The following TENM3 variants were observed in gnomAD, a reference collection of about 807,000 sequenced individuals.
The protein encoded by TENM3 is teneurin-3.
A neutral mutation model predicts 255.1 loss-of-function variants in TENM3; 63 were observed. The observed-to-expected ratio is 0.25, with a 90% CI of 0.20 to 0.30. The LOEUF is 0.30. TENM3 is among the 10% of genes least tolerant of loss of function. The probability of loss-of-function intolerance (pLI) is 1.00; values close to 1 mark genes in which losing one functional copy is unlikely to be tolerated. For synonymous variants in TENM3, 1,306 were observed against 1,322.3 expected, an observed-to-expected ratio of 0.99 and a Z score of 0.27; for missense variants, 2,929 against 3,461.1, an observed-to-expected ratio of 0.85 and a Z score of 3.86.
intron 6 of TENM3, among the ~76,000 whole-genome samples, chr4:182,668,998 A>G (rs970461977): frequency 6.6e-6 from 1 of 152,210 alleles, no homozygotes; most frequent in Non-Finnish European, 1.5e-5. Context: ...ATTAAATTAC[A>G]TATGCTTCGG....
At chr4:182,604,352 A>G (rs1174442533) in intron 4 of TENM3, among the ~76,000 whole-genome samples, 2 of 152,206 alleles carry the variant, frequency 1.3e-5, no homozygotes, top group African/African-American at 4.8e-5. Flanking sequence ...ATCGGTCCCT[A>G]TGTATAATAC....
the TENM3 span, among the ~76,000 whole-genome samples, chr4:182,034,439 G>A: frequency 2.9e-4 from 44 of 152,260 alleles, no homozygotes; most frequent in Middle Eastern, 3.4e-3. Flanking sequence ...ATGCTAGCTG[G>A]TTATTTTGCA....
chr4:181,898,637 G>A, the TENM3 span, among the ~76,000 whole-genome samples: 1 of 152,230 alleles, frequency 6.6e-6, no homozygotes, highest in East Asian at 1.9e-4. Flanking sequence ...GAATTAAGAT[G>A]TTTGAAGGTT....
At chr4:181,979,138 A>ATC in the TENM3 span, among the ~76,000 whole-genome samples, 1 of 104,956 alleles carries the variant, frequency 9.5e-6, no homozygotes, top group African/African-American at 3.8e-5. Context: ...ATATATATAT[A>ATC]TATATATATA....
At chr4:182,545,004 T>A (rs1055693842) in intron 3 of TENM3, among the ~76,000 whole-genome samples, 15 of 152,204 alleles carry the variant, frequency 9.9e-5, no homozygotes, top group Admixed American at 9.8e-4. Flanking sequence ...ACATGCTGGA[T>A]CTCATTTAAA....
chr4:182,349,764 G>C (rs1010078423), intron 3 of TENM3: 1 of 279,598 alleles, frequency 3.6e-6, no homozygotes, highest in African/African-American at 2.3e-5. Context: ...AACTTAAAAA[G>C]CTATAGATTT....
rs148756377 is a variant in TENM3, at chr4:182,653,645, A to G, written c.989-126A>G. 3.8e-3 allele frequency: 3,995 copies of G among 1,042,778 alleles called. 16 individuals are homozygous for G. Among genetic ancestry groups the G allele is most frequent in the Non-Finnish European group, 4.8e-3 (3,535 of 740,386 alleles). The allele number at this position is 1,042,778 out of a possible 1,614,324, so 64.6% of individuals were successfully genotyped here. On this transcript the variant is annotated intron_variant, in intron 5 of 27. Transcript: ENST00000511685. Reference sequence around the variant, plus strand: ...GTTTTATAATTTTCATTGCGCAGTTATCCTTGGTATTTCAGAAAATGGAAA... The same window carrying G: ...GTTTTATAATTTTCATTGCGCAGTTGTCCTTGGTATTTCAGAAAATGGAAA...
intron 3 of TENM3, among the ~76,000 whole-genome samples, chr4:182,537,275 C>A (rs924314551): frequency 6.6e-6 from 1 of 152,172 alleles, no homozygotes; most frequent in Non-Finnish European, 1.5e-5. Context: ...AAGGCTAGCT[C>A]CTGCAGTCAT....
At chr4:182,575,891 G>C (rs998425464) in intron 3 of TENM3, among the ~76,000 whole-genome samples, 7 of 152,076 alleles carry the variant, frequency 4.6e-5, no homozygotes, top group Admixed American at 3.3e-4. Flanking sequence ...AAAGTTCTAG[G>C]TTGAAATAGC....
At chr4:182,254,248 C>T (rs1304980541) in intron 1 of TENM3, among the ~76,000 whole-genome samples, 1 of 151,978 alleles carries the variant, frequency 6.6e-6, no homozygotes, top group Non-Finnish European at 1.5e-5. Context: ...TGGCTTCTTA[C>T]AGTTCTCTAA....
chr4:181,662,855 A>T, the TENM3 span, among the ~76,000 whole-genome samples: 1 of 152,114 alleles, frequency 6.6e-6, no homozygotes, highest in Non-Finnish European at 1.5e-5. Flanking sequence ...ATTAACACAG[A>T]TAGGGTAGGA....
intron 3 of TENM3, among the ~76,000 whole-genome samples, chr4:182,541,167 T>C (rs1313745397): frequency 6.6e-6 from 1 of 152,212 alleles, no homozygotes; most frequent in African/African-American, 2.4e-5. Context: ...GCACAAATTC[T>C]TACCTCTATT....
At chr4:182,184,021 T>C (rs1001189790) in intron 1 of TENM3, among the ~76,000 whole-genome samples, 2 of 152,220 alleles carry the variant, frequency 1.3e-5, no homozygotes, top group African/African-American at 4.8e-5. Context: ...TGTTTTATTA[T>C]TCCAAAAGAA....
chr4:182,135,318 C>T, the TENM3 span, among the ~76,000 whole-genome samples: 27 of 151,230 alleles, frequency 1.8e-4, no homozygotes, highest in Non-Finnish European at 1.3e-4. Flanking sequence ...TCACTTGGGA[C>T]GTTTGTACCC....
At chr4:182,397,137 G>A (rs370211675) in intron 3 of TENM3, among the ~76,000 whole-genome samples, 72 of 151,812 alleles carry the variant, frequency 4.7e-4, no homozygotes, top group African/African-American at 1.5e-3. Context: ...TGTAAAAAAG[G>A]GAAAAATCTA....
At chr4:181,904,883 G>T in the TENM3 span, among the ~76,000 whole-genome samples, 8 of 152,150 alleles carry the variant, frequency 5.3e-5, no homozygotes, top group Non-Finnish European at 1.2e-4. Context: ...CTTTTCCCAT[G>T]CTGTTCTCAT....
chr4:182,676,702 C>A (rs891561629), intron 7 of TENM3, among the ~76,000 whole-genome samples: 2 of 152,154 alleles, frequency 1.3e-5, no homozygotes, highest in African/African-American at 2.4e-5. Context: ...AGCATAAATA[C>A]AACAAACATG....
chr4:181,968,594 A>G, the TENM3 span, among the ~76,000 whole-genome samples: 1 of 152,222 alleles, frequency 6.6e-6, no homozygotes, highest in Non-Finnish European at 1.5e-5. Context: ...CTAACCGCAG[A>G]GAATACAGAA....
At chr4:182,071,863 C>T in the TENM3 span, among the ~76,000 whole-genome samples, 8 of 152,026 alleles carry the variant, frequency 5.3e-5, no homozygotes, top group African/African-American at 1.9e-4. Flanking sequence ...TACTTCAGGG[C>T]CTTTTAAATG....
Sources: gnomAD v4.1 joint callset for allele counts (sites outside exome capture counted in the v4.1 genomes callset) on GRCh38, gnomAD v4.1.1 for gene constraint, MANE v1.5 for transcripts, NCBI Gene and HGNC (gene_info 2026-07-23, HGNC 2026-07-21) for gene names.